IQCH: variants seen among roughly 807,000 people sequenced by gnomAD.
The protein encoded by IQCH is IQ motif containing H.
Under a neutral mutation model 117.0 loss-of-function variants are expected in IQCH, and 98 were observed. The observed-to-expected ratio is 0.84, with a 90% CI of 0.71 to 0.99. The LOEUF (loss-of-function observed/expected upper bound fraction) is 0.99. Ranked by LOEUF, IQCH falls within the 50% of genes least tolerant of loss-of-function variation. The pLI is 0.00. For missense variants in IQCH, 1,102 were observed against 1,243.8 expected (o/e 0.89, Z 1.72); for synonymous variants, 412 against 448.2 (o/e 0.92, Z 1.02).
chr15:67,409,401 A>G (rs2081387024), intron 14 of IQCH, among the ~76,000 whole-genome samples: 1 of 152,220 alleles, frequency 6.6e-6, no homozygotes, highest in Non-Finnish European at 1.5e-5. Flanking sequence ...TAAGTGCTGG[A>G]AAGTTGAAAG....
At chr15:67,371,993 G>T in intron 8 of IQCH, 118 bp from the exon 9 acceptor site, 1 of 879,240 alleles carries the variant, frequency 1.1e-6, no homozygotes, top group East Asian at 2.6e-5. Context: ...ATCAGTGCTA[G>T]GATTCATATC....
chr15:67,492,359 C>T (rs774720822), intron 19 of IQCH, among the ~76,000 whole-genome samples: 19 of 152,226 alleles, frequency 1.2e-4, no homozygotes, highest in Non-Finnish European at 2.1e-4. Context: ...AGCTGGGACA[C>T]GACTGGAACC....
chr15:67,381,050 A>C lies in IQCH; in HGVS notation c.1373-3886A>C, dbSNP rs1970911853. Among the ~76,000 whole-genome samples, 1 of 152,212 alleles carries C rather than the reference A, an allele frequency of 6.6e-6. No individual in the cohort carries two copies. Among genetic ancestry groups the C allele is most frequent in the South Asian group, 2.1e-4 (1 of 4,828 alleles). On this transcript the variant is annotated intron_variant, in intron 10 of 20. Transcript: ENST00000335894. The surrounding 1 kb of genome is among the most constrained non-coding windows in gnomAD (Gnocchi z 5.1). ...TTTTCAAGAACGTGTGATCTGCTGC[A>C]ACAACAGGGGCCTGTCACAGAGACA...
chr15:67,264,217 A>G (rs1442677555), intron 3 of IQCH, among the ~76,000 whole-genome samples: 1 of 152,240 alleles, frequency 6.6e-6, no homozygotes, highest in Admixed American at 6.5e-5. Flanking sequence ...TGCAGACATA[A>G]ACATCTGTCA....
chr15:67,415,406 C>A (rs2081551917), intron 14 of IQCH, among the ~76,000 whole-genome samples: 1 of 152,182 alleles, frequency 6.6e-6, no homozygotes, highest in Non-Finnish European at 1.5e-5. Flanking sequence ...AGGGCACTCT[C>A]CGCTTCTCAG....
At chr15:67,311,807 G>C (rs961627769) in intron 4 of IQCH, among the ~76,000 whole-genome samples, 1 of 152,032 alleles carries the variant, frequency 6.6e-6, no homozygotes. Context: ...TTGGCATCAA[G>C]TATTACCTCT....
rs1028621707 is a variant in IQCH at position 67,445,779 on chromosome 15, T to C, written c.2506-19348T>C. Among the ~76,000 whole-genome samples the C allele has an allele frequency of 5.3e-5, 8 of 152,200 alleles. No homozygotes were observed. Among genetic ancestry groups the C allele is most frequent in the Admixed American group, 3.3e-4 (5 of 15,280 alleles). ...AGATGTCTCCACAAATGTCTTAATA[T>C]GTAAATGCTATTAAACCAACCCACT... On this transcript the variant is annotated intron_variant, in intron 16 of 20. Transcript: ENST00000335894. This position sits in a 1 kb window ranked among gnomAD's most constrained non-coding sequence, Gnocchi z 4.3.
chr15:67,469,425 G>A (rs773611786), intron 17 of IQCH, among the ~76,000 whole-genome samples: 9 of 152,168 alleles, frequency 5.9e-5, no homozygotes, highest in Non-Finnish European at 8.8e-5. Flanking sequence ...TCTCCTGTAC[G>A]GGGACACAGG....
chr15:67,341,795 G>A (rs191189239), intron 5 of IQCH, among the ~76,000 whole-genome samples: 7 of 152,278 alleles, frequency 4.6e-5, no homozygotes, highest in South Asian at 2.1e-4. Flanking sequence ...TTTATAAATC[G>A]AGAATATTTA....
rs1970055768 is a variant in IQCH, at chr15:67,359,788, T to C, written c.715-59T>C. 2.1e-6 allele frequency: 3 copies of C among 1,447,984 alleles called. No homozygotes were observed. Among genetic ancestry groups the C allele is most frequent in the Non-Finnish European group, 2.9e-6 (3 of 1,028,620 alleles). 89.7% of individuals were successfully genotyped at this position (1,447,984 alleles called of 1,614,324 possible). A position where few individuals can be genotyped will look rare whatever the true frequency, so the allele number is the denominator to read the frequency against. On this transcript the variant is annotated intron_variant, in intron 7 of 20. Transcript: ENST00000335894. The surrounding 1 kb of genome is among the most constrained non-coding windows in gnomAD (Gnocchi z 4.5). ...TGAGGCTCTGAGCCTTCTATTTGTTTTGTAAAATTGCCCATGAGAGTCGTT... is the reference window on the plus strand; with the variant it reads ...TGAGGCTCTGAGCCTTCTATTTGTTCTGTAAAATTGCCCATGAGAGTCGTT...
intron 18 of IQCH, among the ~76,000 whole-genome samples, chr15:67,489,621 T>G (rs1292815832): frequency 1.3e-5 from 2 of 151,820 alleles, no homozygotes; most frequent in African/African-American, 4.8e-5. Flanking sequence ...CAGCCTCCCC[T>G]ATATTTTTTT....
intron 6 of IQCH, among the ~76,000 whole-genome samples, chr15:67,350,508 C>G (rs1335223133): frequency 3.3e-5 from 5 of 152,116 alleles, no homozygotes; most frequent in African/African-American, 1.2e-4. Context: ...TTCACTACAA[C>G]CTCCGCCTCC....
In IQCH at chr15:67,422,975, T is replaced by G. The variant is rs1327421463; in HGVS notation, c.2505+1398T>G. Among the ~76,000 whole-genome samples, 3 of 152,246 alleles carry G rather than the reference T, an allele frequency of 2.0e-5. No homozygotes were observed. Among genetic ancestry groups the G allele is most frequent in the Admixed American group, 6.5e-5 (1 of 15,288 alleles). On this transcript the variant is annotated intron_variant, in intron 16 of 20. Coordinates refer to ENST00000335894, the MANE Select transcript of IQCH (RefSeq NM_001031715.3). This position sits in a 1 kb window ranked among gnomAD's most constrained non-coding sequence, Gnocchi z 4.7. Reference sequence around the variant, plus strand: ...TTTGGTTGTTTTAGGATCATTATTCTCAGTTTTACAGTTCTCCATTTCAGT... The same window carrying G: ...TTTGGTTGTTTTAGGATCATTATTCGCAGTTTTACAGTTCTCCATTTCAGT...
chr15:67,492,060 C>T (rs568855621), intron 19 of IQCH, among the ~76,000 whole-genome samples: 46 of 152,124 alleles, frequency 3.0e-4, no homozygotes, highest in African/African-American at 7.7e-4. Context: ...AAACTTGACA[C>T]GGTGATGTCA....
rs867240868 is a variant in IQCH at position 67,442,863 on chromosome 15, G to C, written c.2505+21286G>C. On this transcript the variant is annotated intron_variant, in intron 16 of 20. Coordinates refer to ENST00000335894, the MANE Select transcript of IQCH (RefSeq NM_001031715.3). ...AGATAGATAGATAGATAGATAGATA[G>C]ATATACATATATATATATATAAAAT... Among the ~76,000 whole-genome samples the C allele has an allele frequency of 1.5e-3, 171 of 115,848 alleles. 1 individual carries two copies. Among genetic ancestry groups the C allele is most frequent in the African/African-American group, 5.4e-3 (157 of 29,218 alleles). 76.0% of individuals were successfully genotyped at this position (115,848 alleles called of 152,430 possible).
At chr15:67,435,924 T>C (rs1483357497) in intron 16 of IQCH, among the ~76,000 whole-genome samples, 3 of 152,154 alleles carry the variant, frequency 2.0e-5, no homozygotes, top group Admixed American at 2.0e-4. Context: ...TCAGGTTATC[T>C]GGGGGTCTTT....
At chr15:67,442,900 T>C (rs184645296) in intron 16 of IQCH, among the ~76,000 whole-genome samples, 8 of 150,394 alleles carry the variant, frequency 5.3e-5, no homozygotes, top group East Asian at 1.9e-4. Context: ...CATATAGATA[T>C]ACATACACAC....
intron 6 of IQCH, among the ~76,000 whole-genome samples, chr15:67,350,085 A>C (rs776376398): frequency 6.6e-6 from 1 of 152,250 alleles, no homozygotes; most frequent in Admixed American, 6.5e-5. Flanking sequence ...GGTTTGTAAT[A>C]TATGAATGTT....
In IQCH at chr15:67,391,086, A is replaced by G. The variant is rs1971270892; in HGVS notation, c.1632+2080A>G. 6.6e-6 allele frequency among the ~76,000 whole-genome samples: 1 copy of G among 152,128 alleles called. No individual in the cohort carries two copies. The highest frequency in any genetic ancestry group is 1.5e-5 in the Non-Finnish European group (1 of 68,028). On this transcript the variant is annotated intron_variant, in intron 12 of 20. Coordinates refer to ENST00000335894, the MANE Select transcript of IQCH (RefSeq NM_001031715.3). This position sits in a 1 kb window ranked among gnomAD's most constrained non-coding sequence, Gnocchi z 4.3. ...TTTCAGAGTCATCTTCAACTCTATC[A>G]TCCTATTACCTGAGAACCATACCCT...
Sources: gnomAD v4.1 joint callset for allele counts (sites outside exome capture counted in the v4.1 genomes callset) on GRCh38, gnomAD v4.1.1 for gene constraint, Gnocchi (gnomAD v3.1) non-coding constraint, MANE v1.5 for transcripts, NCBI Gene and HGNC (gene_info 2026-07-23, HGNC 2026-07-21) for gene names.